The following SLC33A1 variants were observed in gnomAD, a reference collection of about 807,000 sequenced individuals.
The protein encoded by SLC33A1 is solute carrier family 33 member 1, also known as acetyl-coenzyme A transporter 1.
Under a neutral mutation model 50.0 loss-of-function variants are expected in SLC33A1, and 20 were observed. The observed-to-expected ratio is 0.40, with a 90% CI of 0.28 to 0.58. The LOEUF (loss-of-function observed/expected upper bound fraction) is 0.58, where lower values mean the gene tolerates loss of function less well. SLC33A1 is among the 20% of genes least tolerant of loss of function. SLC33A1 has a pLI of 0.44. For synonymous variants in SLC33A1, 265 were observed against 251.8 expected, an observed-to-expected ratio of 1.05 and a Z score of -0.50; for missense variants, 476 against 657.0, an observed-to-expected ratio of 0.72 and a Z score of 3.01.
Position 155,823,301 on chromosome 3 carries a change from G to C in SLC33A1, c.*4909C>G, listed in dbSNP as rs190572877. On this transcript the variant is annotated 3_prime_UTR_variant, in exon 6 of 6. Transcript: ENST00000643144. Reference sequence around the variant, plus strand: ...AATAGTGGTTTGACTGGTAGAAAATGAAAGAGCTCTCAGTCCCAAACCAAA... The same window carrying C: ...AATAGTGGTTTGACTGGTAGAAAATCAAAGAGCTCTCAGTCCCAAACCAAA... 1.3e-5 allele frequency: 2 copies of C among 152,284 alleles called. No homozygotes were observed. Among genetic ancestry groups the C allele is most frequent in the African/African-American group, 2.4e-5 (1 of 41,566 alleles). 9.4% of individuals were successfully genotyped at this position (152,284 alleles called of 1,614,324 possible). A position where few individuals can be genotyped will look rare whatever the true frequency, so the allele number is the denominator to read the frequency against.
At chr3:155,835,124 A>G (rs1752594467) in intron 2 of SLC33A1, among the ~76,000 whole-genome samples, 1 of 152,218 alleles carries the variant, frequency 6.6e-6, no homozygotes, top group South Asian at 2.1e-4. Flanking sequence ...TTCTTAGGAA[A>G]TACATACTTA....
chr3:155,850,686 G>C (rs558953356), intron 1 of SLC33A1, among the ~76,000 whole-genome samples: 1 of 150,854 alleles, frequency 6.6e-6, no homozygotes, highest in Admixed American at 6.6e-5. Context: ...GTGCGATCTC[G>C]GTTCACTGCA....
At position 155,831,457 on chromosome 3, in the gene SLC33A1, C is replaced by CAAAAAAAAA. The variant is rs397991448; in HGVS notation, c.1267-1563_1267-1555dup. 1.2e-3 allele frequency among the ~76,000 whole-genome samples: 57 copies of CAAAAAAAAA among 46,710 alleles called. 5 individuals carry two copies. The highest frequency in any genetic ancestry group is 3.3e-3 in the South Asian group (2 of 612). 30.6% of individuals were successfully genotyped at this position (46,710 alleles called of 152,430 possible). A position where few individuals can be genotyped will look rare whatever the true frequency, so the allele number is the denominator to read the frequency against. On this transcript the variant is annotated intron_variant, in intron 4 of 5. Coordinates refer to ENST00000643144, the MANE Select transcript of SLC33A1 (RefSeq NM_004733.4). ...TGGGCAACAGAGTGAGACTCTGTCT[C>CAAAAAAAAA]AAAAAAAAAAAAAAAAAAAAAAAAA...
At chr3:155,841,138 T>C (rs1752920183) in intron 2 of SLC33A1, among the ~76,000 whole-genome samples, 1 of 151,930 alleles carries the variant, frequency 6.6e-6, no homozygotes, top group Admixed American at 6.6e-5. Context: ...TAGCCATGGC[T>C]CACTGCAAAC....
In SLC33A1 at chr3:155,828,105, C is replaced by T. The variant is rs528825751; in HGVS notation, c.*105G>A. 1.2e-3 allele frequency: 950 copies of T among 772,968 alleles called. 3 individuals carry two copies. Among genetic ancestry groups the T allele is most frequent in the Middle Eastern group, 3.1e-3 (13 of 4,206 alleles). The allele number at this position is 772,968 out of a possible 1,614,324, so 47.9% of individuals were successfully genotyped here. A position where few individuals can be genotyped will look rare whatever the true frequency, so the allele number is the denominator to read the frequency against. ...ATTTGGCATTTTATATTATTAATTT[C>T]GCTGTTTAAAATAATATTTTATACT... On this transcript the variant is annotated 3_prime_UTR_variant, in exon 6 of 6. Coordinates refer to ENST00000643144, the MANE Select transcript of SLC33A1 (RefSeq NM_004733.4).
intron 5 of SLC33A1, 41 bp from the exon 6 acceptor site, chr3:155,828,418 A>G (rs1484884851): frequency 8.1e-7 from 1 of 1,239,602 alleles, no homozygotes. Context: ...ACAATTTCAA[A>G]ATGAAAGTAT....
At position 155,826,239 on chromosome 3, in the gene SLC33A1, T is replaced by C. The variant is rs529829424; in HGVS notation, c.*1971A>G. 1 of 152,046 alleles carries C rather than the reference T, an allele frequency of 6.6e-6. No individual in the cohort carries two copies. Among genetic ancestry groups the C allele is most frequent in the Admixed American group, 6.6e-5 (1 of 15,254 alleles). The allele number at this position is 152,046 out of a possible 1,614,324, so 9.4% of individuals were successfully genotyped here. On this transcript the variant is annotated 3_prime_UTR_variant, in exon 6 of 6. Coordinates refer to ENST00000643144, the MANE Select transcript of SLC33A1 (RefSeq NM_004733.4). ...CCATCTCTACTAAAAATACAAAAAT[T>C]AGCCGGGTGTGGTGGTGTGCGCCTG...
chr3:155,833,702 G>C, intron 3 of SLC33A1, 117 bp from the exon 4 acceptor site: 1 of 940,404 alleles, frequency 1.1e-6, no homozygotes, highest in Non-Finnish European at 1.7e-6. Context: ...CTGTTAGGAG[G>C]TTAAAAAGAT....
At position 155,822,528 on chromosome 3, in the gene SLC33A1, G is replaced by C. The variant is rs1204915685; in HGVS notation, c.*5682C>G. 7.0e-6 allele frequency: 1 copy of C among 143,152 alleles called. No homozygotes were observed. Among genetic ancestry groups the C allele is most frequent in the African/African-American group, 2.6e-5 (1 of 38,126 alleles). The allele number at this position is 143,152 out of a possible 1,614,324, so 8.9% of individuals were successfully genotyped here. On this transcript the variant is annotated 3_prime_UTR_variant, in exon 6 of 6. Transcript: ENST00000643144. ...GAACCCAGCAGGCAGAGGGTGCAGG[G>C]AGTCATGCCACTGCACTCCAGCCTG... is the stretch of plus-strand genomic sequence containing the variant.
chr3:155,833,914 C>A lies in SLC33A1; in HGVS notation c.1091G>T (p.Ser364Ile). ...PLQIILPLII[S>I]KYTAGPQPLN... is the part of the protein sequence containing the mutation. The stretch of plus-strand genomic sequence containing the variant: ...TGGCTGGGGACCTGCAGTGTATTTG[C>A]TGATAATCAGAGGCAGTATTATCTG... Residue 364 changes from serine (S) to isoleucine (I), a missense_variant, in exon 3 of 6, where the codon AGC (serine) becomes ATC (isoleucine). Physicochemically the swap from Ser to Ile is moderately radical, Grantham distance 142. Transcript: ENST00000643144. The A allele has an allele frequency of 6.2e-7, 1 of 1,613,866 alleles. No homozygotes were observed. The highest frequency in any genetic ancestry group is 1.1e-5 in the South Asian group (1 of 91,076).
Position 155,826,808 on chromosome 3 carries a change from C to G in SLC33A1, c.*1402G>C, listed in dbSNP as rs1209959043. 1.3e-5 allele frequency: 2 copies of G among 152,134 alleles called. No individual in the cohort carries two copies. Among genetic ancestry groups the G allele is most frequent in the African/African-American group, 4.8e-5 (2 of 41,426 alleles). The allele number at this position is 152,134 out of a possible 1,614,324, so 9.4% of individuals were successfully genotyped here. A position where few individuals can be genotyped will look rare whatever the true frequency, so the allele number is the denominator to read the frequency against. On this transcript the variant is annotated 3_prime_UTR_variant, in exon 6 of 6. Transcript: ENST00000643144. ...CTCCATTACTTATAAAAACCCCACT[C>G]TAAAATTCAACCTATGTTATAAAAT...
intron 1 of SLC33A1, among the ~76,000 whole-genome samples, chr3:155,848,280 T>G (rs915237400): frequency 6.6e-6 from 1 of 152,208 alleles, no homozygotes; most frequent in East Asian, 1.9e-4. Context: ...GAACTACAGA[T>G]GCGTGCCACT....
At chr3:155,851,079 T>TA (rs1378217978) in intron 1 of SLC33A1, among the ~76,000 whole-genome samples, 1 of 151,818 alleles carries the variant, frequency 6.6e-6, no homozygotes, top group Non-Finnish European at 1.5e-5. Context: ...TTGTCTGTAC[T>TA]AAAAATACAA....
rs1306613407 is a variant in SLC33A1, at chr3:155,854,185, T to C, written c.-188A>G. ...GTGCTGAAGCCGGGAGCCAGTCCTC[T>C]GGCTAGAGGCCCAGAGGATGCCTGG... is the stretch of plus-strand genomic sequence containing the variant. On this transcript the variant is annotated 5_prime_UTR_variant, in exon 1 of 6. Transcript: ENST00000643144. 1.0e-5 allele frequency: 5 copies of C among 486,580 alleles called. No individual in the cohort carries two copies. The highest frequency in any genetic ancestry group is 1.8e-5 in the Non-Finnish European group (5 of 278,756). The allele number at this position is 486,580 out of a possible 1,614,324, so 30.1% of individuals were successfully genotyped here. A position where few individuals can be genotyped will look rare whatever the true frequency, so the allele number is the denominator to read the frequency against.
Position 155,821,234 on chromosome 3 carries a change from T to A in SLC33A1, c.*6976A>T, listed in dbSNP as rs1420078135. ...CACCACACAAAACTATCAAGGCTAA[T>A]GCTAGATATTCCAAAAGTGGTAACA... On this transcript the variant is annotated 3_prime_UTR_variant, in exon 6 of 6. Transcript: ENST00000643144. The A allele has an allele frequency of 1.3e-5, 2 of 152,216 alleles. No homozygotes were observed. The highest frequency in any genetic ancestry group is 4.8e-5 in the African/African-American group (2 of 41,464). 9.4% of individuals were successfully genotyped at this position (152,216 alleles called of 1,614,324 possible). A position where few individuals can be genotyped will look rare whatever the true frequency, so the allele number is the denominator to read the frequency against.
intron 1 of SLC33A1, among the ~76,000 whole-genome samples, chr3:155,848,320 A>T (rs1753262638): frequency 6.6e-6 from 1 of 152,206 alleles, no homozygotes; most frequent in African/African-American, 2.4e-5. Context: ...TTTTTATATG[A>T]GCCTAAGAAG....
At position 155,848,382 on chromosome 3, in the gene SLC33A1, G is replaced by A. The variant is rs577719471; in HGVS notation, c.775+4841C>T. ...GGAATTTCTAGTTTCTCTTGAATAT[G>A]CCTAAGATCTAGCAATCTTGCCGGG... On this transcript the variant is annotated intron_variant, in intron 1 of 5. Transcript: ENST00000643144. Among the ~76,000 whole-genome samples, 21 of 152,262 alleles carry A rather than the reference G, an allele frequency of 1.4e-4. No homozygotes were observed. The South Asian group carries it at 4.4e-3, about 32-fold the overall frequency.
chr3:155,848,770 GA>G (rs960608070), intron 1 of SLC33A1, among the ~76,000 whole-genome samples: 6 of 152,166 alleles, frequency 3.9e-5, no homozygotes, highest in Non-Finnish European at 7.3e-5. Flanking sequence ...CTCACCTTTA[GA>G]GGGGCATGGA....
chr3:155,844,507 T>C (rs1256125577), intron 1 of SLC33A1, among the ~76,000 whole-genome samples: 1 of 127,774 alleles, frequency 7.8e-6, no homozygotes. Context: ...CTCACTCTTG[T>C]CAGGCTGGTG....
Sources: allele counts gnomAD v4.1 joint callset (sites outside exome capture counted in the v4.1 genomes callset), GRCh38; gene constraint gnomAD v4.1.1; transcripts MANE v1.5; gene names NCBI Gene and HGNC (gene_info 2026-07-23, HGNC 2026-07-21).